FRMPD2: variants seen among roughly 807,000 people sequenced by gnomAD.
FRMPD2 encodes the protein FERM and PDZ domain containing 2.
Under a neutral mutation model 140.1 loss-of-function variants are expected in FRMPD2, and 96 were observed. The ratio of observed to expected loss-of-function variants is 0.69; its 90% CI spans 0.58 to 0.81. The LOEUF (loss-of-function observed/expected upper bound fraction) is 0.81. FRMPD2 is among the 40% of genes least tolerant of loss of function. FRMPD2 has a pLI of 0.00. For missense variants in FRMPD2, 1,240 were observed against 1,447.4 expected (o/e 0.86, Z 2.32); for synonymous variants, 449 against 547.6 (o/e 0.82, Z 2.52).
At chr10:48,246,955 C>T (rs985042089) in intron 3 of FRMPD2, among the ~76,000 whole-genome samples, 12 of 152,210 alleles carry the variant, frequency 7.9e-5, no homozygotes, top group Admixed American at 1.3e-4. Flanking sequence ...CCCCTTAAAG[C>T]CCACTCCACT....
intron 15 of FRMPD2, among the ~76,000 whole-genome samples, chr10:48,194,428 G>A (rs146427778): frequency 1.5e-3 from 233 of 152,262 alleles, no homozygotes; most frequent in African/African-American, 5.3e-3. Context: ...TCTGTTTACC[G>A]GGGCCCAAAG....
Position 48,163,252 on chromosome 10 carries a change from T to C in FRMPD2, c.3881+76A>G, listed in dbSNP as rs544436742. 2.6e-5 allele frequency: 23 copies of C among 869,684 alleles called. 1 individual carries two copies. In the African/African-American group the frequency reaches 3.3e-4, roughly 12 times the overall value. The allele number at this position is 869,684 out of a possible 1,614,324, so 53.9% of individuals were successfully genotyped here. On this transcript the variant is annotated intron_variant, in intron 28 of 28. Coordinates refer to ENST00000374201, the MANE Select transcript of FRMPD2 (RefSeq NM_001018071.4). ...CACAAAATCATCCAAGCATAGTTAT[T>C]GATGGCTTGATTACAATTTCCTAGC... is the stretch of plus-strand genomic sequence containing the variant.
At chr10:48,260,390 A>C (rs1310953483) in intron 1 of FRMPD2, among the ~76,000 whole-genome samples, 1 of 152,164 alleles carries the variant, frequency 6.6e-6, no homozygotes, top group Admixed American at 6.5e-5. Context: ...GCAGGAGATG[A>C]GATGAGATGT....
intron 1 of FRMPD2, among the ~76,000 whole-genome samples, chr10:48,272,260 G>T (rs1200220677): frequency 1.3e-5 from 2 of 152,074 alleles, no homozygotes; most frequent in Non-Finnish European, 2.9e-5. Flanking sequence ...TCTGTATTCT[G>T]CTCCTTAAAC....
chr10:48,186,713 G>A (rs1838697500), intron 17 of FRMPD2, among the ~76,000 whole-genome samples: 1 of 152,198 alleles, frequency 6.6e-6, no homozygotes, highest in Non-Finnish European at 1.5e-5. Context: ...CTAATACACT[G>A]ATCCAACCCT....
intron 20 of FRMPD2, among the ~76,000 whole-genome samples, chr10:48,181,826 T>C (rs35888745): frequency 0.29 from 39,220 of 135,938 alleles, 6,576 homozygotes; most frequent in Non-Finnish European, 0.37. Context: ...GATAAAAATA[T>C]ATATGTATAT....
intron 28 of FRMPD2, among the ~76,000 whole-genome samples, chr10:48,161,304 C>T (rs1414325536): frequency 2.0e-5 from 3 of 150,490 alleles, no homozygotes; most frequent in African/African-American, 7.4e-5. Flanking sequence ...AGATTTTGGA[C>T]ATCTGGTATA....
chr10:48,210,659 C>T (rs543025983), intron 13 of FRMPD2, among the ~76,000 whole-genome samples: 10 of 152,318 alleles, frequency 6.6e-5, no homozygotes, highest in Non-Finnish European at 1.0e-4. Context: ...ACAGGGAACA[C>T]GTGTGCAGCC....
chr10:48,232,174 G>A lies in FRMPD2; in HGVS notation c.1109C>T (p.Ala370Val), dbSNP rs1839864343. 1 of 1,614,178 alleles carries A rather than the reference G, an allele frequency of 6.2e-7. No homozygotes were observed. The highest frequency in any genetic ancestry group is 8.5e-7 in the Non-Finnish European group (1 of 1,180,038). Residue 370 changes from alanine to valine, a missense_variant, in exon 10 of 29, where the codon GCC (alanine) becomes GTC (valine). By Grantham distance (64) the Ala-to-Val change is moderately conservative. Transcript: ENST00000374201. ...CTCGAGGTTGGCAAAGGATGTCACGGCATTGAAGACAGCTCCCACTGTTGA... is the reference window on the plus strand; with the variant it reads ...CTCGAGGTTGGCAAAGGATGTCACGACATTGAAGACAGCTCCCACTGTTGA... ...VESTVGAVFN[A>V]VTSFANLEEL...
intron 21 of FRMPD2, among the ~76,000 whole-genome samples, chr10:48,179,457 T>C (rs2652407): frequency 2.5e-4 from 37 of 149,260 alleles, no homozygotes; most frequent in African/African-American, 8.8e-4. Flanking sequence ...CAAGCAGGCC[T>C]TGCTGAGTTC....
intron 10 of FRMPD2, among the ~76,000 whole-genome samples, chr10:48,230,096 G>C (rs539060639): frequency 8.0e-4 from 122 of 152,100 alleles, no homozygotes; most frequent in African/African-American, 2.9e-3. Flanking sequence ...AAATTTCACT[G>C]GTTCTTTAAA....
chr10:48,184,817 A>C lies in FRMPD2; in HGVS notation c.2424T>G (p.Ile808Met). The C allele has an allele frequency of 6.2e-7, 1 of 1,613,956 alleles. No individual in the cohort carries two copies. The highest frequency in any genetic ancestry group is 8.5e-7 in the Non-Finnish European group (1 of 1,179,942). Residue 808 changes from isoleucine to methionine, a missense_variant, in exon 19 of 29, where the codon ATT (isoleucine) becomes ATG (methionine). Physicochemically the swap from Ile to Met is conservative, Grantham distance 10 (BLOSUM62 1). Transcript: ENST00000374201. ...QADPGIFISS[I>M]IPGGPAEKAK... ...CTTTTTCTGCTGGTCCTCCAGGTAT[A>C]ATAGAAGATATAAAAATGCCAGGGT... is the stretch of plus-strand genomic sequence containing the variant.
intron 3 of FRMPD2, among the ~76,000 whole-genome samples, chr10:48,247,399 A>G (rs1840274994): frequency 6.6e-6 from 1 of 152,248 alleles, no homozygotes; most frequent in Non-Finnish European, 1.5e-5. Flanking sequence ...CAGGGGCTGC[A>G]AGCCCAGGGC....
intron 1 of FRMPD2, among the ~76,000 whole-genome samples, chr10:48,256,071 T>C (rs1292256821): frequency 2.0e-5 from 3 of 152,208 alleles, no homozygotes; most frequent in Admixed American, 1.3e-4. Flanking sequence ...AGAAGCCTTT[T>C]GACACTGGCC....
At position 48,185,752 on chromosome 10, in the gene FRMPD2, A is replaced by T. The variant is rs572088236; in HGVS notation, c.2267-107T>A. 9 of 791,132 alleles carry T rather than the reference A, an allele frequency of 1.1e-5. No individual in the cohort carries two copies. In the South Asian group the frequency reaches 1.3e-4, roughly 11 times the overall value. 49.0% of individuals were successfully genotyped at this position (791,132 alleles called of 1,614,324 possible). ...CACACACATGCGCGCACACACATTC[A>T]CACGCACACAATCCTGAAAACAAAA... On this transcript the variant is annotated intron_variant, in intron 17 of 28. Transcript: ENST00000374201.
intron 2 of FRMPD2, among the ~76,000 whole-genome samples, chr10:48,250,431 G>A (rs953202947): frequency 6.6e-6 from 1 of 152,046 alleles, no homozygotes; most frequent in Non-Finnish European, 1.5e-5. Context: ...AGAGTTTCGC[G>A]CTCTTGTCAC....
chr10:48,254,727 T>C (rs767141887), intron 1 of FRMPD2, among the ~76,000 whole-genome samples: 2 of 152,264 alleles, frequency 1.3e-5, no homozygotes, highest in Non-Finnish European at 2.9e-5. Flanking sequence ...GCTATCATCA[T>C]GCCCATTTTA....
chr10:48,209,773 A>G (rs1199599470), intron 13 of FRMPD2, among the ~76,000 whole-genome samples: 1 of 152,220 alleles, frequency 6.6e-6, no homozygotes, highest in East Asian at 1.9e-4. Context: ...TTCTATCCCT[A>G]AGGAATGAAG....
intron 3 of FRMPD2, among the ~76,000 whole-genome samples, chr10:48,246,703 C>T (rs939639361): frequency 1.3e-5 from 2 of 152,198 alleles, no homozygotes; most frequent in African/African-American, 4.8e-5. Flanking sequence ...AGCACCAGAA[C>T]GAGGCCCAGG....
Sources: gnomAD v4.1 joint callset for allele counts (sites outside exome capture counted in the v4.1 genomes callset) on GRCh38, gnomAD v4.1.1 for gene constraint, MANE v1.5 for transcripts, NCBI Gene and HGNC (gene_info 2026-07-23, HGNC 2026-07-21) for gene names.